ATXN2: variants seen among roughly 807,000 people sequenced by gnomAD.
The protein encoded by ATXN2 is ataxin 2, also known as ataxin-2.
A neutral mutation model predicts 138.6 loss-of-function variants in ATXN2; 37 were observed. That is an observed-to-expected ratio of 0.27 (90% CI 0.21 to 0.35). ATXN2 has a LOEUF of 0.35. ATXN2 is among the 10% of genes least tolerant of loss of function. The pLI is 1.00. For missense variants in ATXN2, 1,216 were observed against 1,480.3 expected (o/e 0.82, Z 2.93); for synonymous variants, 549 against 543.7 (o/e 1.01, Z -0.13).
At chr12:111,464,752 G>C in intron 20 of ATXN2, 37 bp from the exon 21 acceptor site, 2 of 1,553,278 alleles carry the variant, frequency 1.3e-6, no homozygotes, top group Non-Finnish European at 1.8e-6. Flanking sequence ...TTAGCCTTTT[G>C]AGGTGTGCAT....
At chr12:111,471,709 T>A (rs1481780676) in intron 18 of ATXN2, 1 of 151,802 alleles carries the variant, frequency 6.6e-6, no homozygotes, top group South Asian at 2.1e-4. Context: ...AACCTGAACA[T>A]TTTTTTATAT....
At chr12:111,502,657 C>T (rs1878853263) in intron 14 of ATXN2, among the ~76,000 whole-genome samples, 2 of 152,114 alleles carry the variant, frequency 1.3e-5, no homozygotes, top group African/African-American at 4.8e-5. Flanking sequence ...TCTGGAACTC[C>T]TGACCTCAGC....
intron 23 of ATXN2, chr12:111,455,064 T>G (rs570193403): frequency 1.0e-5 from 7 of 702,896 alleles, no homozygotes; most frequent in African/African-American, 1.7e-5. Context: ...TTCTGAGAGA[T>G]AGATCCAACT....
At position 111,470,087 on chromosome 12, in the gene ATXN2, G is replaced by A. The variant is rs368791412; in HGVS notation, c.2842+21C>T. 7.9e-5 allele frequency: 127 copies of A among 1,611,100 alleles called. No individual in the cohort carries two copies. In the African/African-American group the frequency reaches 1.6e-3, roughly 20 times the overall value. ...AAGAAGAGTCACACACACTGGAAGA[G>A]ACAAACAAAGTGCTTCCTACCATAC... On this transcript the variant is annotated intron_variant, in intron 20 of 24. Transcript: ENST00000673436.
chr12:111,556,507 C>T (rs1341302611), intron 1 of ATXN2, among the ~76,000 whole-genome samples: 1 of 152,128 alleles, frequency 6.6e-6, no homozygotes, highest in Non-Finnish European at 1.5e-5. Flanking sequence ...TATTTCTCCC[C>T]CATCTATAAA....
intron 1 of ATXN2, among the ~76,000 whole-genome samples, chr12:111,568,516 C>T (rs555289623): frequency 6.6e-6 from 1 of 152,230 alleles, no homozygotes; most frequent in South Asian, 2.1e-4. Context: ...TAGAATCAGA[C>T]TGGTTGTATA....
chr12:111,463,653 A>G (rs1176488881), intron 21 of ATXN2, among the ~76,000 whole-genome samples: 2 of 152,154 alleles, frequency 1.3e-5, no homozygotes, highest in African/African-American at 4.8e-5. Flanking sequence ...CTCTGCCCAG[A>G]CTTTCTCCAT....
intron 1 of ATXN2, among the ~76,000 whole-genome samples, chr12:111,590,225 A>C (rs1425214870): frequency 6.6e-6 from 1 of 152,108 alleles, no homozygotes; most frequent in Non-Finnish European, 1.5e-5. Context: ...AAATAAATAA[A>C]TAACCAAGGA....
chr12:111,540,583 G>A (rs951830725), intron 5 of ATXN2, among the ~76,000 whole-genome samples: 2 of 150,406 alleles, frequency 1.3e-5, no homozygotes, highest in Admixed American at 1.3e-4. Flanking sequence ...CATTACAAGT[G>A]AGGAGGGCCA....
chr12:111,598,963 CTGCT>C lies in ATXN2; in HGVS notation c.68_71del (p.Gln23ArgfsTer22). The C allele has an allele frequency of 6.7e-7, 1 of 1,502,556 alleles. No homozygotes were observed. The highest frequency in any genetic ancestry group is 8.9e-7 in the Non-Finnish European group (1 of 1,128,578). 93.1% of individuals were successfully genotyped at this position (1,502,556 alleles called of 1,614,324 possible). On this transcript the variant is annotated frameshift_variant, in exon 1 of 25. Coordinates refer to ENST00000673436, the MANE Select transcript of ATXN2 (RefSeq NM_001372574.1). LOFTEE classifies it high-confidence loss of function. This position sits in a 1 kb window ranked among gnomAD's most constrained non-coding sequence, Gnocchi z 4.5. ...CCGCGGGCGGCGGCTGCTGCTGCTG[CTGCT>C]GCTGCTGCTGTTGCTGCTGCTGCTG...
intron 14 of ATXN2, among the ~76,000 whole-genome samples, chr12:111,493,714 C>T (rs925288086): frequency 1.3e-5 from 2 of 151,290 alleles, no homozygotes; most frequent in Non-Finnish European, 2.9e-5. Flanking sequence ...CTGCAACCTC[C>T]GCCTCCCAGG....
At chr12:111,521,206 A>C (rs1666715650) in intron 6 of ATXN2, among the ~76,000 whole-genome samples, 1 of 152,222 alleles carries the variant, frequency 6.6e-6, no homozygotes, top group Non-Finnish European at 1.5e-5. Flanking sequence ...TAAAGTTTAG[A>C]ACATTTTAAT....
intron 18 of ATXN2, chr12:111,471,662 A>C (rs547978560): frequency 6.6e-6 from 1 of 152,180 alleles, no homozygotes; most frequent in African/African-American, 2.4e-5. Context: ...AATTTGGGAG[A>C]GCTAGTTACA....
chr12:111,464,624 C>T, intron 21 of ATXN2, 38 bp downstream of exon 21: 1 of 1,520,376 alleles, frequency 6.6e-7, no homozygotes. Context: ...AAGTGTTTTA[C>T]TGTACAATTA....
At chr12:111,472,600 G>A (rs1327411821) in intron 18 of ATXN2, among the ~76,000 whole-genome samples, 3 of 152,044 alleles carry the variant, frequency 2.0e-5, no homozygotes, top group Admixed American at 6.6e-5. Flanking sequence ...ACAGAGTGTC[G>A]CTCGGTTGCC....
chr12:111,457,063 T>C (rs947615202), intron 22 of ATXN2, 151 bp downstream of exon 22: 11 of 1,047,016 alleles, frequency 1.1e-5, no homozygotes, highest in Admixed American at 3.2e-5. Flanking sequence ...ATGTGATTCT[T>C]AAAACCACCA....
At chr12:111,500,471 GAGA>G (rs1191998656) in intron 14 of ATXN2, among the ~76,000 whole-genome samples, 9 of 152,198 alleles carry the variant, frequency 5.9e-5, no homozygotes, top group Non-Finnish European at 1.0e-4. Context: ...GGGTAATGGG[GAGA>G]AGAAGGGAAA....
chr12:111,581,172 A>G (rs1419243104), intron 1 of ATXN2, among the ~76,000 whole-genome samples: 2 of 152,046 alleles, frequency 1.3e-5, no homozygotes, highest in South Asian at 2.1e-4. Flanking sequence ...ATTAGAAATA[A>G]AAGTACATCA....
rs1592945655 is a variant in ATXN2 at position 111,598,961 on chromosome 12, T to G, written c.74A>C (p.Gln25Pro). 2 of 1,500,830 alleles carry G rather than the reference T, an allele frequency of 1.3e-6. No homozygotes were observed. The highest frequency in any genetic ancestry group is 2.7e-5 in the East Asian group (1 of 36,660). The allele number at this position is 1,500,830 out of a possible 1,614,324, so 93.0% of individuals were successfully genotyped here. Residue 25 changes from glutamine to proline, a missense_variant, in exon 1 of 25, where the codon CAG becomes CCG. Coordinates refer to ENST00000673436, the MANE Select transcript of ATXN2 (RefSeq NM_001372574.1). The surrounding 1 kb of genome is among the most constrained non-coding windows in gnomAD (Gnocchi z 4.5). The stretch of plus-strand genomic sequence containing the variant: ...AGCCGCGGGCGGCGGCTGCTGCTGC[T>G]GCTGCTGCTGCTGCTGTTGCTGCTG... ...QQQQQQQQQQ[Q>P]QQQPPPAAAN... is the part of the protein sequence containing the mutation.
Sources: gnomAD v4.1 joint callset for allele counts (sites outside exome capture counted in the v4.1 genomes callset) on GRCh38, gnomAD v4.1.1 for gene constraint, Gnocchi (gnomAD v3.1) non-coding constraint, MANE v1.5 for transcripts, NCBI Gene and HGNC (gene_info 2026-07-23, HGNC 2026-07-21) for gene names.